Variants in KPTN observed in about 807,000 individuals in gnomAD.
KPTN encodes KICSTOR complex protein kaptin.
A neutral mutation model predicts 52.6 loss-of-function variants in KPTN; 36 were observed. That is an observed-to-expected ratio of 0.68 (90% confidence interval 0.52 to 0.90). The LOEUF (loss-of-function observed/expected upper bound fraction) is 0.90, where lower values mean the gene tolerates loss of function less well. KPTN is among the 40% of genes least tolerant of loss of function. The pLI is 0.00. For synonymous variants in KPTN, 271 were observed against 248.4 expected (o/e 1.09, Z -0.85); for missense variants, 529 against 576.2 (o/e 0.92, Z 0.84).
chr19:47,480,301 G>C lies in KPTN; in HGVS notation c.706C>G (p.Arg236Gly). 7.1e-7 allele frequency: 1 copy of C among 1,415,484 alleles called. No homozygotes were observed. Among genetic ancestry groups the C allele is most frequent in the South Asian group, 1.2e-5 (1 of 81,636 alleles). The allele number at this position is 1,415,484 out of a possible 1,614,324, so 87.7% of individuals were successfully genotyped here. A position where few individuals can be genotyped will look rare whatever the true frequency, so the allele number is the denominator to read the frequency against. Residue 236 changes from arginine (R) to glycine (G), a missense_variant, in exon 7 of 12, where the codon CGA becomes GGA. Coordinates refer to ENST00000338134, the MANE Select transcript of KPTN (RefSeq NM_007059.4). ...VRVAHVDQRS[R>G]EVLQMWSVLQ... ...CCCGCCTCACCGCGGCCCTCACCTC[G>C]ACTCCGCTGGTCCACGTGGGCGACA...
In KPTN at chr19:47,476,943, G is replaced by A; in HGVS notation, c.864-5C>T. The stretch of plus-strand genomic sequence containing the variant: ...AGACCCCGGTTCAGCAGGTCCCTGA[G>A]GGTCCCAAATACAGCATATAGACTG... On this transcript the variant is annotated splice_region_variant and splice_polypyrimidine_tract_variant and intron_variant, in intron 9 of 11. Transcript: ENST00000338134. 1 of 1,554,452 alleles carries A rather than the reference G, an allele frequency of 6.4e-7. No homozygotes were observed. The highest frequency in any genetic ancestry group is 8.7e-7 in the Non-Finnish European group (1 of 1,148,580).
Position 47,484,030 on chromosome 19 carries a change from G to C in KPTN, c.131C>G (p.Ala44Gly), listed in dbSNP as rs368280175. The change falls in exon 1 of 12, where the codon GCC (alanine) becomes GGC (glycine). Residue 44 changes from alanine to glycine, a missense_variant. Physicochemically the swap from Ala to Gly is moderately conservative, Grantham distance 60. Transcript: ENST00000338134. ...GCCGAGCACCTTGCCTTTAAGGGTG[G>C]CGGCCAGCAGCTCCCCGCGCCCGCC... ...GAGGRGELLA[A>G]TLKGKVLGFR... The C allele has an allele frequency of 2.7e-5, 43 of 1,612,254 alleles. 1 individual carries two copies. The Middle Eastern group carries it at 8.2e-4, about 31-fold the overall frequency.
Position 47,476,686 on chromosome 19 carries a change from G to A in KPTN, c.1028C>T (p.Pro343Leu). Residue 343 changes from proline to leucine, a missense_variant, in exon 11 of 12, where the codon CCA becomes CTA. Pro to Leu is a moderately conservative substitution (Grantham distance 98, BLOSUM62 -3). Coordinates refer to ENST00000338134, the MANE Select transcript of KPTN (RefSeq NM_007059.4). Reference sequence around the variant, plus strand: ...CTGGGCCTCAGGAAGCCCCGACTCTGGGCCCCGGTACTTATAACACAGCAG... The same window carrying A: ...CTGGGCCTCAGGAAGCCCCGACTCTAGGCCCCGGTACTTATAACACAGCAG... ...QELLCYKYRG[P>L]ESGLPEAQHG... 5.0e-6 allele frequency: 8 copies of A among 1,612,498 alleles called. No homozygotes were observed. Among genetic ancestry groups the A allele is most frequent in the Non-Finnish European group, 6.8e-6 (8 of 1,179,492 alleles).
At chr19:47,482,995 C>T (rs1967937346) in intron 4 of KPTN, 166 bp downstream of exon 4, 4 of 726,710 alleles carry the variant, frequency 5.5e-6, no homozygotes, top group Non-Finnish European at 4.8e-6. Flanking sequence ...GTGTGAGCCA[C>T]CGTGCCCGGC....
chr19:47,480,832 T>C lies in KPTN; in HGVS notation c.527A>G (p.Asn176Ser), dbSNP rs780665945. 2 of 1,613,964 alleles carry C rather than the reference T, an allele frequency of 1.2e-6. No individual in the cohort carries two copies. Among genetic ancestry groups the C allele is most frequent in the Admixed American group, 1.7e-5 (1 of 59,996 alleles). The change falls in exon 6 of 12, where the codon AAC becomes AGC. Residue 176 changes from asparagine to serine, a missense_variant and splice_region_variant. Physicochemically the swap from Asn to Ser is conservative, Grantham distance 46 (BLOSUM62 1). Coordinates refer to ENST00000338134, the MANE Select transcript of KPTN (RefSeq NM_007059.4). Reference sequence around the variant, plus strand: ...TTCCTCAAACTGATGCAGCCCCTCGTTCTGGGGAAACCAAGACCCACCCCA... The same window carrying C: ...TTCCTCAAACTGATGCAGCCCCTCGCTCTGGGGAAACCAAGACCCACCCCA... ...NDPAIHLYKENEGLHQFEEQP... is the reference protein window; with the variant it reads ...NDPAIHLYKESEGLHQFEEQP...
chr19:47,481,237 A>G (rs953623716), intron 4 of KPTN, among the ~76,000 whole-genome samples: 19 of 152,184 alleles, frequency 1.2e-4, no homozygotes, highest in African/African-American at 4.3e-4. Context: ...GAGCCCTCAT[A>G]GAATCTCAAA....
At position 47,479,878 on chromosome 19, in the gene KPTN, G is replaced by C; in HGVS notation, c.772C>G (p.Leu258Val). The change falls in exon 8 of 12, where the codon CTC becomes GTC. Residue 258 changes from leucine (L) to valine (V), a missense_variant. Physicochemically the swap from Leu to Val is conservative, Grantham distance 32. Coordinates refer to ENST00000338134, the MANE Select transcript of KPTN (RefSeq NM_007059.4). The part of the protein sequence containing the change: ...GPISRVIVFS[L>V]SAAKETKDRP... ...CAGAGCTCACCCTTGGCGGCCGAGA[G>C]GCTGAACACAATCACTCGGGAGATG... 1.2e-6 allele frequency: 2 copies of C among 1,613,506 alleles called. No homozygotes were observed. Among genetic ancestry groups the C allele is most frequent in the Non-Finnish European group, 1.7e-6 (2 of 1,179,766 alleles).
chr19:47,480,231 G>A, intron 7 of KPTN, 67 bp downstream of exon 7: 2 of 694,466 alleles, frequency 2.9e-6, no homozygotes. Context: ...CCAGCCCTCA[G>A]CCCCACCCTG....
Position 47,483,785 on chromosome 19 carries a change from C to T in KPTN, c.226+150G>A, listed in dbSNP as rs1967974496. On this transcript the variant is annotated intron_variant, in intron 1 of 11. Transcript: ENST00000338134. ...TGAAACCCTAGGCTCATCCGGGCCCCAACTATGCCTGCCCGCTGATCCCAG... is the reference window on the plus strand; with the variant it reads ...TGAAACCCTAGGCTCATCCGGGCCCTAACTATGCCTGCCCGCTGATCCCAG... The T allele has an allele frequency of 4.3e-5, 50 of 1,165,458 alleles. No individual in the cohort carries two copies. In the South Asian group the frequency reaches 7.1e-4, roughly 17 times the overall value. 72.2% of individuals were successfully genotyped at this position (1,165,458 alleles called of 1,614,324 possible).
rs781597108 is a variant in KPTN at position 47,476,696 on chromosome 19, A to G, written c.1018T>C (p.Tyr340His). ...TYGQELLCYKYRGPESGLPEA... is the reference protein window; with the variant it reads ...TYGQELLCYKHRGPESGLPEA... ...GGAAGCCCCGACTCTGGGCCCCGGTACTTATAACACAGCAGTTCCTGCGGG... is the reference window on the plus strand; with the variant it reads ...GGAAGCCCCGACTCTGGGCCCCGGTGCTTATAACACAGCAGTTCCTGCGGG... The change falls in exon 11 of 12, where the codon TAC (tyrosine) becomes CAC (histidine). Residue 340 changes from tyrosine (Y) to histidine (H), a missense_variant. By Grantham distance (83) the Tyr-to-His change is moderately conservative. Transcript: ENST00000338134. 1.9e-6 allele frequency: 3 copies of G among 1,612,300 alleles called. No individual in the cohort carries two copies. In the South Asian group the frequency reaches 3.3e-5, roughly 18 times the overall value.
intron 8 of KPTN, 131 bp downstream of exon 8, chr19:47,479,732 C>A: frequency 2.9e-6 from 2 of 692,758 alleles, no homozygotes; most frequent in South Asian, 3.4e-5. Flanking sequence ...AGTGGGGGAT[C>A]CAGGAGAGAG....
In KPTN at chr19:47,480,755, C is replaced by G; in HGVS notation, c.599+5G>C. On this transcript the variant is annotated splice_donor_5th_base_variant and intron_variant, in intron 6 of 11. Transcript: ENST00000338134. ...CCCAGTGGCCTCTTTCGGGGCCTCT[C>G]CTACCTACTGGTCAGGTTCGTCAGC... is the stretch of plus-strand genomic sequence containing the variant. The G allele has an allele frequency of 6.2e-7, 1 of 1,613,954 alleles. No homozygotes were observed. Among genetic ancestry groups the G allele is most frequent in the Non-Finnish European group, 8.5e-7 (1 of 1,179,858 alleles).
rs906035467 is a variant in KPTN at position 47,483,382 on chromosome 19, G to A, written c.310-3C>T. The stretch of plus-strand genomic sequence containing the variant: ...GGGCTGCCCTTGTCCCCTGAATCCT[G>A]GCGGAGGACACGGGGTTCAGGGGAG... On this transcript the variant is annotated splice_polypyrimidine_tract_variant and splice_region_variant and intron_variant, in intron 2 of 11. Coordinates refer to ENST00000338134, the MANE Select transcript of KPTN (RefSeq NM_007059.4). 12 of 1,613,848 alleles carry A rather than the reference G, an allele frequency of 7.4e-6. No individual in the cohort carries two copies. Among genetic ancestry groups the A allele is most frequent in the Non-Finnish European group, 1.0e-5 (12 of 1,179,866 alleles).
At chr19:47,481,281 G>A (rs910615252) in intron 4 of KPTN, among the ~76,000 whole-genome samples, 3 of 152,124 alleles carry the variant, frequency 2.0e-5, no homozygotes, top group Admixed American at 6.5e-5. Flanking sequence ...TCAGAATTGC[G>A]GGAACATGGC....
intron 8 of KPTN, 31 bp downstream of exon 8, chr19:47,479,832 C>G: frequency 6.3e-7 from 1 of 1,586,024 alleles, no homozygotes; most frequent in Non-Finnish European, 8.6e-7. Context: ...CCCACCCGCT[C>G]TCTCCCCATC....
Position 47,475,535 on chromosome 19 carries a change from T to G in KPTN, c.1192A>C (p.Ile398Leu). 6.2e-7 allele frequency: 1 copy of G among 1,612,692 alleles called. No individual in the cohort carries two copies. The highest frequency in any genetic ancestry group is 8.5e-7 in the Non-Finnish European group (1 of 1,178,940). Residue 398 changes from isoleucine (I) to leucine (L), a missense_variant, in exon 12 of 12, where the codon ATT becomes CTT. Ile to Leu is a conservative substitution (Grantham distance 5). Coordinates refer to ENST00000338134, the MANE Select transcript of KPTN (RefSeq NM_007059.4). ...KGVHILQHSLIQASELVLTRL... is the reference protein window; with the variant it reads ...KGVHILQHSLLQASELVLTRL... ...GTCAAGACCAGCTCTGAGGCCTGAA[T>G]CAGGCTGTGCTGTGGGGAACAAGAG...
chr19:47,483,315 T>A lies in KPTN; in HGVS notation c.374A>T (p.Tyr125Phe). The A allele has an allele frequency of 6.2e-7, 1 of 1,614,038 alleles. No homozygotes were observed. The highest frequency in any genetic ancestry group is 2.2e-5 in the East Asian group (1 of 44,866). The change falls in exon 3 of 12, where the codon TAC (tyrosine) becomes TTC (phenylalanine). Residue 125 changes from tyrosine to phenylalanine, a missense_variant. Transcript: ENST00000338134. ...IYCDYEPGSE[Y>F]NLDSIAQSCL... ...CTCACGGGCAATAGAGTCAAGGTTG[T>A]ACTCAGAGCCGGGCTCGTAGTCGCA...
Position 47,481,008 on chromosome 19 carries a change from T to G in KPTN, c.475A>C (p.Thr159Pro), listed in dbSNP as rs1300192191. 6.3e-7 allele frequency: 1 copy of G among 1,591,334 alleles called. No individual in the cohort carries two copies. Residue 159 changes from threonine to proline, a missense_variant, in exon 5 of 12, where the codon ACT becomes CCT. Physicochemically the swap from Thr to Pro is conservative, Grantham distance 38. Transcript: ENST00000338134. ...AEVQVGDQLE[T>P]VFLLSGNDPA... The stretch of plus-strand genomic sequence containing the variant: ...TCGTTCCCACTCAAGAGAAACACAG[T>G]CTCAAGTTGATCCCCGACCTGGACC...
chr19:47,475,439 G>T lies in KPTN; in HGVS notation c.1288C>A (p.Pro430Thr), dbSNP rs763864763. Residue 430 changes from proline to threonine, a missense_variant, in exon 12 of 12, where the codon CCT becomes ACT. Coordinates refer to ENST00000338134, the MANE Select transcript of KPTN (RefSeq NM_007059.4). ...QGLEDGAGAG[P>T]AENAAS ...GCTTAAGAGGCTGCATTCTCAGCAGGCCCTGCACCTGCCCCGTCCTCCAAC... is the reference window on the plus strand; with the variant it reads ...GCTTAAGAGGCTGCATTCTCAGCAGTCCCTGCACCTGCCCCGTCCTCCAAC... 1 of 1,612,898 alleles carries T rather than the reference G, an allele frequency of 6.2e-7. No homozygotes were observed. The highest frequency in any genetic ancestry group is 1.3e-5 in the African/African-American group (1 of 74,912).
Sources: allele counts gnomAD v4.1 joint callset (sites outside exome capture counted in the v4.1 genomes callset), GRCh38; gene constraint gnomAD v4.1.1; transcripts MANE v1.5; gene names NCBI Gene and HGNC (gene_info 2026-07-23, HGNC 2026-07-21).